Variants in SMAD5 observed in about 807,000 individuals in gnomAD.
SMAD5 encodes MAD, mothers against decapentaplegic homolog 5.
A neutral mutation model predicts 43.1 loss-of-function variants in SMAD5; 9 were observed. The observed-to-expected ratio is 0.21, with a 90% confidence interval of 0.13 to 0.36. The LOEUF (loss-of-function observed/expected upper bound fraction) is 0.36, where lower values mean the gene tolerates loss of function less well. Among genes scored for constraint, SMAD5 ranks in the 10% least tolerant of loss-of-function variants. The probability of loss-of-function intolerance (pLI) is 1.00; values close to 1 mark genes in which losing one functional copy is unlikely to be tolerated. For missense variants in SMAD5, 348 were observed against 574.0 expected (o/e 0.61, Z 4.02); for synonymous variants, 190 against 192.4 (o/e 0.99, Z 0.10).
chr5:136,146,463 G>A (rs1384393792), intron 1 of SMAD5, among the ~76,000 whole-genome samples: 1 of 151,702 alleles, frequency 6.6e-6, no homozygotes, highest in South Asian at 2.1e-4. Context: ...AAAGGCAAAG[G>A]GGGCATGAAA....
intron 5 of SMAD5, among the ~76,000 whole-genome samples, chr5:136,168,274 T>C (rs569504778): frequency 1.3e-5 from 2 of 152,238 alleles, no homozygotes; most frequent in South Asian, 4.1e-4. Flanking sequence ...AGTTACTGAC[T>C]TTTATATTAA....
At chr5:136,144,617 A>G (rs1169772585) in intron 1 of SMAD5, among the ~76,000 whole-genome samples, 1 of 150,506 alleles carries the variant, frequency 6.6e-6, no homozygotes, top group African/African-American at 2.4e-5. Flanking sequence ...ATATCTTATT[A>G]TATTGGTATA....
At position 136,180,724 on chromosome 5, in the gene SMAD5, T is replaced by A. The variant is rs939485591; in HGVS notation, c.*3244T>A. The A allele has an allele frequency of 2.6e-5, 4 of 152,076 alleles. No individual in the cohort carries two copies. Among genetic ancestry groups the A allele is most frequent in the Admixed American group, 6.6e-5 (1 of 15,262 alleles). The allele number at this position is 152,076 out of a possible 1,614,324, so 9.4% of individuals were successfully genotyped here. A position where few individuals can be genotyped will look rare whatever the true frequency, so the allele number is the denominator to read the frequency against. On this transcript the variant is annotated 3_prime_UTR_variant, in exon 8 of 8. Coordinates refer to ENST00000545279, the MANE Select transcript of SMAD5 (RefSeq NM_005903.7). ...TTGTATTGTTGCTATATAAAAAAAATAATAGAATTGGTTGGGTTTCTGAGG... is the reference window on the plus strand; with the variant it reads ...TTGTATTGTTGCTATATAAAAAAAAAAATAGAATTGGTTGGGTTTCTGAGG...
chr5:136,172,695 A>G (rs1225714984), intron 6 of SMAD5, 40 bp downstream of exon 6: 1 of 1,325,132 alleles, frequency 7.5e-7, no homozygotes, highest in Non-Finnish European at 1.1e-6. Context: ...GAATTCAATC[A>G]TTTGTTGTAC....
intron 5 of SMAD5, among the ~76,000 whole-genome samples, chr5:136,166,217 T>C (rs1290112668): frequency 6.6e-6 from 1 of 151,794 alleles, no homozygotes; most frequent in Non-Finnish European, 1.5e-5. Context: ...ATCTTTATGG[T>C]GTCATTGTGG....
Position 136,182,123 on chromosome 5 carries a change from G to A in SMAD5, c.*4643G>A, listed in dbSNP as rs1406945527. On this transcript the variant is annotated 3_prime_UTR_variant, in exon 8 of 8. Transcript: ENST00000545279. Reference sequence around the variant, plus strand: ...ATGCTGTTAAAGTACAGAATTTTGTGTACAGGTAGATTTTTCCGTCCCTCA... The same window carrying A: ...ATGCTGTTAAAGTACAGAATTTTGTATACAGGTAGATTTTTCCGTCCCTCA... 2.0e-5 allele frequency: 3 copies of A among 151,978 alleles called. No individual in the cohort carries two copies. Among genetic ancestry groups the A allele is most frequent in the Admixed American group, 6.5e-5 (1 of 15,268 alleles). 9.4% of individuals were successfully genotyped at this position (151,978 alleles called of 1,614,324 possible).
In SMAD5 at chr5:136,153,703, G is replaced by C. The variant is rs1753540674; in HGVS notation, c.-58G>C. The C allele has an allele frequency of 1.4e-6, 2 of 1,457,624 alleles. No individual in the cohort carries two copies. The highest frequency in any genetic ancestry group is 1.4e-5 in the African/African-American group (1 of 70,932). The allele number at this position is 1,457,624 out of a possible 1,614,324, so 90.3% of individuals were successfully genotyped here. On this transcript the variant is annotated 5_prime_UTR_variant, in exon 3 of 8. Coordinates refer to ENST00000545279, the MANE Select transcript of SMAD5 (RefSeq NM_005903.7). ...GTGTATGACGTTTCACCTGTGATCTGTTCTTTCGGTAGCCACTGACTTTGA... is the reference window on the plus strand; with the variant it reads ...GTGTATGACGTTTCACCTGTGATCTCTTCTTTCGGTAGCCACTGACTTTGA...
chr5:136,166,027 T>C (rs558707579), intron 5 of SMAD5, among the ~76,000 whole-genome samples: 2 of 152,252 alleles, frequency 1.3e-5, no homozygotes, highest in African/African-American at 4.8e-5. Context: ...ATGTACCATT[T>C]TATATTCTCA....
intron 5 of SMAD5, among the ~76,000 whole-genome samples, chr5:136,164,752 A>G (rs1325472921): frequency 6.6e-6 from 1 of 151,936 alleles, no homozygotes; most frequent in Non-Finnish European, 1.5e-5. Context: ...TTTCATTTCT[A>G]GATTATGCTT....
intron 6 of SMAD5, among the ~76,000 whole-genome samples, chr5:136,173,971 G>A (rs1326594793): frequency 6.6e-6 from 1 of 150,932 alleles, no homozygotes; most frequent in African/African-American, 2.4e-5. Context: ...TGTCCTCTTT[G>A]TTAGCACAAA....
intron 5 of SMAD5, among the ~76,000 whole-genome samples, chr5:136,165,826 G>C (rs560267086): frequency 3.3e-5 from 5 of 151,576 alleles, no homozygotes; most frequent in Non-Finnish European, 7.4e-5. Context: ...TTCATCCATT[G>C]ATAGACACTT....
intron 5 of SMAD5, among the ~76,000 whole-genome samples, chr5:136,165,980 C>CT: frequency 6.6e-6 from 1 of 151,700 alleles, no homozygotes; most frequent in Non-Finnish European, 1.5e-5. Context: ...TATATTTATA[C>CT]TTTTTTGAGG....
At position 136,180,363 on chromosome 5, in the gene SMAD5, T is replaced by C. The variant is rs1010540875; in HGVS notation, c.*2883T>C. On this transcript the variant is annotated 3_prime_UTR_variant, in exon 8 of 8. Coordinates refer to ENST00000545279, the MANE Select transcript of SMAD5 (RefSeq NM_005903.7). ...CATAGCATGTACAATATATTTATGC[T>C]GGCTGAAAAGACAGAATCTGGGAAT... 3.3e-5 allele frequency: 5 copies of C among 152,198 alleles called. No individual in the cohort carries two copies. The highest frequency in any genetic ancestry group is 4.1e-4 in the South Asian group (2 of 4,832). 9.4% of individuals were successfully genotyped at this position (152,198 alleles called of 1,614,324 possible). A position where few individuals can be genotyped will look rare whatever the true frequency, so the allele number is the denominator to read the frequency against.
At chr5:136,140,652 C>T (rs906127207) in intron 1 of SMAD5, among the ~76,000 whole-genome samples, 1 of 152,002 alleles carries the variant, frequency 6.6e-6, no homozygotes, top group Non-Finnish European at 1.5e-5. Flanking sequence ...CTTGGTGAGA[C>T]CCAGCCCAGC....
intron 4 of SMAD5, among the ~76,000 whole-genome samples, chr5:136,161,539 G>C (rs146229734): frequency 6.6e-6 from 1 of 152,164 alleles, no homozygotes; most frequent in Non-Finnish European, 1.5e-5. Flanking sequence ...TTCAGACCCA[G>C]GTTTGTCTAA....
At chr5:136,146,959 A>G (rs568254559) in intron 1 of SMAD5, among the ~76,000 whole-genome samples, 1 of 151,670 alleles carries the variant, frequency 6.6e-6, no homozygotes, top group African/African-American at 2.4e-5. Flanking sequence ...AAGTAATATC[A>G]TGTTATATCC....
intron 1 of SMAD5, among the ~76,000 whole-genome samples, chr5:136,136,759 C>G (rs140828045): frequency 6.6e-6 from 1 of 151,986 alleles, no homozygotes; most frequent in Admixed American, 6.6e-5. Context: ...TTCAGTGACG[C>G]GATCTTGACT....
rs1293159774 is a variant in SMAD5, at chr5:136,180,716, A to T, written c.*3236A>T. 1.3e-5 allele frequency: 2 copies of T among 151,976 alleles called. No homozygotes were observed. Among genetic ancestry groups the T allele is most frequent in the African/African-American group, 2.4e-5 (1 of 41,398 alleles). The allele number at this position is 151,976 out of a possible 1,614,324, so 9.4% of individuals were successfully genotyped here. A position where few individuals can be genotyped will look rare whatever the true frequency, so the allele number is the denominator to read the frequency against. On this transcript the variant is annotated 3_prime_UTR_variant, in exon 8 of 8. Transcript: ENST00000545279. Reference sequence around the variant, plus strand: ...TTTTCACATTGTATTGTTGCTATATAAAAAAAATAATAGAATTGGTTGGGT... The same window carrying T: ...TTTTCACATTGTATTGTTGCTATATTAAAAAAATAATAGAATTGGTTGGGT...
Position 136,161,014 on chromosome 5 carries a change from T to A in SMAD5, c.562T>A (p.Ser188Thr). ...GCCCAACAACACTCCTTTTCCCTTA[T>A]CTCCAAACAGCCCTTATCCCCCTTC... ...HQPNNTPFPLSPNSPYPPSPA... is the reference protein window; with the variant it reads ...HQPNNTPFPLTPNSPYPPSPA... The change falls in exon 4 of 8, where the codon TCT becomes ACT. Residue 188 changes from serine to threonine, a missense_variant. This residue lies in a region of SMAD5 where 185 missense variants were observed against 207.0 expected (regional missense o/e 0.89). Coordinates refer to ENST00000545279, the MANE Select transcript of SMAD5 (RefSeq NM_005903.7). The A allele has an allele frequency of 6.2e-7, 1 of 1,613,670 alleles. No individual in the cohort carries two copies. Among genetic ancestry groups the A allele is most frequent in the Non-Finnish European group, 8.5e-7 (1 of 1,179,840 alleles).
Sources: gnomAD v4.1 joint callset for allele counts (sites outside exome capture counted in the v4.1 genomes callset) on GRCh38, gnomAD v4.1.1 for gene constraint, gnomAD v4.1.1 regional missense constraint, MANE v1.5 for transcripts, NCBI Gene and HGNC (gene_info 2026-07-23, HGNC 2026-07-21) for gene names.